The following SLCO1B1 variants were observed in gnomAD, a reference collection of about 807,000 sequenced individuals.
SLCO1B1 encodes OATP-2.
Under a neutral mutation model 70.1 loss-of-function variants are expected in SLCO1B1, and 81 were observed. The ratio of observed to expected loss-of-function variants is 1.16; its 90% confidence interval spans 0.97 to 1.39. The LOEUF is 1.39. Among genes scored for constraint, SLCO1B1 ranks in the 40% most tolerant of loss-of-function variants. The pLI is 0.00. For missense variants in SLCO1B1, 895 were observed against 799.6 expected (o/e 1.12, Z -1.44); for synonymous variants, 283 against 271.5 (o/e 1.04, Z -0.42).
intron 2 of SLCO1B1, among the ~76,000 whole-genome samples, chr12:21,144,565 C>G (rs941207008): frequency 1.3e-5 from 2 of 151,930 alleles, no homozygotes; most frequent in Non-Finnish European, 2.9e-5. Context: ...TTCAAAGAAT[C>G]CCTTCAAGAT....
At chr12:21,170,222 T>G (rs1482832569) in intron 2 of SLCO1B1, among the ~76,000 whole-genome samples, 4 of 152,186 alleles carry the variant, frequency 2.6e-5, no homozygotes, top group African/African-American at 7.2e-5. Context: ...CATAGGAGAT[T>G]TAAATGTTTC....
chr12:21,153,270 T>A (rs1940497676), intron 2 of SLCO1B1, among the ~76,000 whole-genome samples: 3 of 152,182 alleles, frequency 2.0e-5, no homozygotes, highest in Non-Finnish European at 4.4e-5. Context: ...AATACCAGCA[T>A]ATATTTTTTA....
intron 7 of SLCO1B1, among the ~76,000 whole-genome samples, chr12:21,191,607 A>G (rs1489627985): frequency 6.6e-6 from 1 of 152,018 alleles, no homozygotes; most frequent in Admixed American, 6.6e-5. Context: ...CTTTCTTTCA[A>G]GTTTGAATGT....
At chr12:21,203,840 C>A (rs1257757698) in intron 10 of SLCO1B1, among the ~76,000 whole-genome samples, 3 of 152,018 alleles carry the variant, frequency 2.0e-5, no homozygotes, top group Non-Finnish European at 4.4e-5. Context: ...TGAAGTCACA[C>A]AATGTCTTTA....
chr12:21,132,161 T>C (rs867375620), intron 1 of SLCO1B1, among the ~76,000 whole-genome samples: 21 of 152,294 alleles, frequency 1.4e-4, no homozygotes, highest in Middle Eastern at 3.4e-3. Flanking sequence ...ACAAAGGACA[T>C]AAACTCATCA....
At chr12:21,150,104 G>A (rs907379362) in intron 2 of SLCO1B1, among the ~76,000 whole-genome samples, 17 of 152,088 alleles carry the variant, frequency 1.1e-4, no homozygotes, top group African/African-American at 3.4e-4. Flanking sequence ...GGAGCCCACC[G>A]CAGCTCCACA....
intron 11 of SLCO1B1, among the ~76,000 whole-genome samples, chr12:21,209,049 T>A (rs995253131): frequency 1.3e-5 from 2 of 151,600 alleles, no homozygotes; most frequent in African/African-American, 4.8e-5. Flanking sequence ...TTTTTTTTAA[T>A]TAATTAATTT....
At chr12:21,182,489 C>T (rs1940914807) in intron 7 of SLCO1B1, among the ~76,000 whole-genome samples, 1 of 152,180 alleles carries the variant, frequency 6.6e-6, no homozygotes, top group South Asian at 2.1e-4. Flanking sequence ...ACAGCGGGGC[C>T]AACTTTCCTG....
At chr12:21,137,416 C>T (rs967791508) in intron 1 of SLCO1B1, among the ~76,000 whole-genome samples, 5 of 152,142 alleles carry the variant, frequency 3.3e-5, no homozygotes, top group Non-Finnish European at 5.9e-5. Context: ...TTTGTCTGTG[C>T]CCTGCCCCCA....
intron 14 of SLCO1B1, among the ~76,000 whole-genome samples, chr12:21,226,752 A>G (rs1040002379): frequency 8.3e-5 from 11 of 133,300 alleles, no homozygotes; most frequent in Non-Finnish European, 1.3e-4. Flanking sequence ...TGGTTCATCA[A>G]TTGTAACAAA....
chr12:21,218,583 CAG>C (rs2121182600), intron 12 of SLCO1B1, among the ~76,000 whole-genome samples: 1 of 151,590 alleles, frequency 6.6e-6, no homozygotes. Context: ...AAATATGCCA[CAG>C]ATATAGCTCC....
At chr12:21,194,913 G>A (rs1479777126) in intron 7 of SLCO1B1, among the ~76,000 whole-genome samples, 4 of 152,146 alleles carry the variant, frequency 2.6e-5, no homozygotes, top group Admixed American at 2.6e-4. Context: ...GCAGGAGCAG[G>A]CACATCACAT....
At chr12:21,221,857 G>A (rs960015396) in intron 12 of SLCO1B1, among the ~76,000 whole-genome samples, 6 of 152,038 alleles carry the variant, frequency 3.9e-5, no homozygotes, top group African/African-American at 1.2e-4. Context: ...GATTTTTCAA[G>A]TATCTGAAAA....
intron 7 of SLCO1B1, among the ~76,000 whole-genome samples, chr12:21,190,114 C>G (rs77737001): frequency 0.011 from 1,625 of 152,222 alleles, 27 homozygotes; most frequent in African/African-American, 0.036. Flanking sequence ...CTGAAGATAG[C>G]TGTTCTCTTA....
At chr12:21,209,762 G>C (rs978486420) in intron 11 of SLCO1B1, among the ~76,000 whole-genome samples, 1 of 151,156 alleles carries the variant, frequency 6.6e-6, no homozygotes, top group Middle Eastern at 3.2e-3. Flanking sequence ...TAACTGGTGT[G>C]AGATGGTATC....
At chr12:21,231,852 T>TA (rs201191844) in intron 14 of SLCO1B1, among the ~76,000 whole-genome samples, 2,018 of 151,924 alleles carry the variant, frequency 0.013, 38 homozygotes, top group African/African-American at 0.046. Flanking sequence ...TAGTGCCCTT[T>TA]AAAAAAAATC....
chr12:21,144,047 G>T (rs1940349506), intron 2 of SLCO1B1, among the ~76,000 whole-genome samples: 2 of 151,872 alleles, frequency 1.3e-5, no homozygotes, highest in Admixed American at 1.3e-4. Context: ...CTCAATTTTT[G>T]TACTGAACTA....
chr12:21,214,386 T>C (rs1941330302), intron 11 of SLCO1B1, among the ~76,000 whole-genome samples: 1 of 149,456 alleles, frequency 6.7e-6, no homozygotes, highest in African/African-American at 2.5e-5. Context: ...GGGTCAGGGG[T>C]CAGGGACCCA....
chr12:21,167,219 A>C lies in SLCO1B1; in HGVS notation c.85-5431A>C, dbSNP rs1365899766. ...CTTGATAAAGATTATATCATAAGAA[A>C]TCTTGACAGTTTACATTCAAGGATA... On this transcript the variant is annotated intron_variant, in intron 2 of 14. Transcript: ENST00000256958. Among the ~76,000 whole-genome samples, 7 of 152,320 alleles carry C rather than the reference A, an allele frequency of 4.6e-5. No individual in the cohort carries two copies. In the East Asian group the frequency reaches 1.3e-3, roughly 29 times the overall value.
Sources: allele counts gnomAD v4.1 joint callset (sites outside exome capture counted in the v4.1 genomes callset), GRCh38; gene constraint gnomAD v4.1.1; transcripts MANE v1.5; gene names NCBI Gene and HGNC (gene_info 2026-07-23, HGNC 2026-07-21).